The following CPS1 variants were observed in gnomAD, a reference collection of about 807,000 sequenced individuals.
The protein encoded by CPS1 is carbamoyl-phosphate synthase [ammonia], mitochondrial.
Under a neutral mutation model 174.6 loss-of-function variants are expected in CPS1, and 109 were observed. The ratio of observed to expected loss-of-function variants is 0.62; its 90% CI spans 0.53 to 0.73. The LOEUF (loss-of-function observed/expected upper bound fraction) is 0.73, where lower values mean the gene tolerates loss of function less well. Among genes scored for constraint, CPS1 ranks in the 30% least tolerant of loss-of-function variants. The pLI, the probability that CPS1 is intolerant of heterozygous loss-of-function variation, is 0.00. For missense variants in CPS1, 1,689 were observed against 1,821.9 expected (o/e 0.93, Z 1.33); for synonymous variants, 637 against 632.0 (o/e 1.01, Z -0.12).
chr2:210,588,481 C>T (rs1360701114), intron 7 of CPS1, among the ~76,000 whole-genome samples: 1 of 152,014 alleles, frequency 6.6e-6, no homozygotes, highest in Non-Finnish European at 1.5e-5. Context: ...TAGAGTCTGT[C>T]TGATAGCATC....
At chr2:210,542,035 C>G (rs1027116875) in intron 1 of CPS1, among the ~76,000 whole-genome samples, 1 of 152,102 alleles carries the variant, frequency 6.6e-6, no homozygotes, top group East Asian at 1.9e-4. Flanking sequence ...TTTTTGATCT[C>G]ATATACTCAA....
chr2:210,593,034 T>G, intron 11 of CPS1, 78 bp downstream of exon 11: 1 of 1,208,656 alleles, frequency 8.3e-7, no homozygotes, highest in East Asian at 2.3e-5. Context: ...ACCAAAATAA[T>G]CACCCCAGAT....
At chr2:210,623,307 C>T (rs1290548257) in intron 21 of CPS1, among the ~76,000 whole-genome samples, 3 of 152,016 alleles carry the variant, frequency 2.0e-5, no homozygotes, top group Non-Finnish European at 2.9e-5. Flanking sequence ...TTATACCATA[C>T]GAGTATTGGA....
chr2:210,673,073 A>T (rs915995843), intron 34 of CPS1: 1 of 152,212 alleles, frequency 6.6e-6, no homozygotes, highest in African/African-American at 2.4e-5. Context: ...AAATAAGATC[A>T]TTTGATTTTT....
chr2:210,616,676 C>G, intron 21 of CPS1, 135 bp downstream of exon 21: 1 of 705,122 alleles, frequency 1.4e-6, no homozygotes. Flanking sequence ...AAATAGTACC[C>G]GTAGCCAGAA....
At chr2:210,568,935 G>A (rs1460120746) in intron 1 of CPS1, among the ~76,000 whole-genome samples, 2 of 151,990 alleles carry the variant, frequency 1.3e-5, no homozygotes, top group African/African-American at 4.8e-5. Context: ...CAGGAGGATG[G>A]GTGTGGGGTA....
chr2:210,492,686 A>G (rs1029125440), intron 1 of CPS1, among the ~76,000 whole-genome samples: 2 of 152,176 alleles, frequency 1.3e-5, no homozygotes, highest in Non-Finnish European at 2.9e-5. Flanking sequence ...AACTAAAATG[A>G]GAAAAGAAGT....
At chr2:210,586,994 CA>C (rs1383006602) in intron 6 of CPS1, among the ~76,000 whole-genome samples, 2 of 151,748 alleles carry the variant, frequency 1.3e-5, no homozygotes, top group African/African-American at 4.8e-5. Flanking sequence ...TATACTTTTT[CA>C]AATTATTTGA....
intron 31 of CPS1, among the ~76,000 whole-genome samples, chr2:210,659,934 T>G (rs764743644): frequency 5.3e-5 from 8 of 152,280 alleles, no homozygotes; most frequent in Middle Eastern, 3.4e-3. Context: ...ACGGTTGGAA[T>G]TTTGACAAGT....
chr2:210,480,589 A>G (rs1257347501), intron 1 of CPS1, among the ~76,000 whole-genome samples: 3 of 152,188 alleles, frequency 2.0e-5, no homozygotes, highest in Non-Finnish European at 4.4e-5. Context: ...TCTTTGGGGT[A>G]AAAGAGAGAT....
At position 210,541,122 on chromosome 2, in the gene CPS1, C is replaced by G. The variant is rs141427093; in HGVS notation, c.4-15597C>G. Among the ~76,000 whole-genome samples the G allele has an allele frequency of 3.9e-4, 60 of 152,196 alleles. No homozygotes were observed. The East Asian group carries it at 4.8e-3, about 12-fold the overall frequency. On this transcript the variant is annotated intron_variant, in intron 1 of 38. Transcript: ENST00000430249. ...GGCATAGCCCCAAGACTCAGATCAT[C>G]GGGAGTGCACTCAGTCCAGAGGGAC...
chr2:210,573,450 G>T, intron 2 of CPS1, 43 bp downstream of exon 2: 1 of 1,355,234 alleles, frequency 7.4e-7, no homozygotes, highest in Non-Finnish European at 1.1e-6. Context: ...CTCTAGTAGA[G>T]AAATAACTGG....
At chr2:210,503,358 T>C (rs1043072050) in intron 1 of CPS1, among the ~76,000 whole-genome samples, 6 of 152,190 alleles carry the variant, frequency 3.9e-5, no homozygotes, top group Non-Finnish European at 2.9e-5. Flanking sequence ...CTGTTTTGCT[T>C]GACAAGTTGA....
intron 1 of CPS1, among the ~76,000 whole-genome samples, chr2:210,498,940 C>A (rs1695073592): frequency 6.6e-6 from 1 of 152,144 alleles, no homozygotes; most frequent in Non-Finnish European, 1.5e-5. Flanking sequence ...ACCATGGTGT[C>A]TGAACAGGAT....
intron 1 of CPS1, among the ~76,000 whole-genome samples, chr2:210,563,603 C>T (rs975546592): frequency 2.0e-5 from 3 of 152,000 alleles, no homozygotes; most frequent in South Asian, 2.1e-4. Flanking sequence ...AAAACTGGTT[C>T]GAAGTAAAGG....
intron 1 of CPS1, among the ~76,000 whole-genome samples, chr2:210,568,361 A>G (rs1420598501): frequency 6.6e-6 from 1 of 152,068 alleles, no homozygotes; most frequent in East Asian, 1.9e-4. Flanking sequence ...GAATTTGGGG[A>G]ATGGTGTCAC....
intron 31 of CPS1, 30 bp from the exon 32 acceptor site, chr2:210,660,455 T>C (rs1255427600): frequency 8.1e-6 from 13 of 1,609,180 alleles, no homozygotes; most frequent in Admixed American, 1.7e-5. Context: ...CTCAATGTCC[T>C]CTTTCTCATT....
At chr2:210,566,080 A>G (rs1234663165) in intron 1 of CPS1, among the ~76,000 whole-genome samples, 3 of 152,072 alleles carry the variant, frequency 2.0e-5, no homozygotes, top group Non-Finnish European at 4.4e-5. Flanking sequence ...TAACTTAGAC[A>G]CTGGTCATGG....
intron 1 of CPS1, among the ~76,000 whole-genome samples, chr2:210,541,397 T>C (rs1178180994): frequency 6.6e-6 from 1 of 152,184 alleles, no homozygotes. Flanking sequence ...CTGAGGCACA[T>C]CTCTGGCTGC....
Sources: allele counts gnomAD v4.1 joint callset (sites outside exome capture counted in the v4.1 genomes callset), GRCh38; gene constraint gnomAD v4.1.1; transcripts MANE v1.5; gene names NCBI Gene and HGNC (gene_info 2026-07-23, HGNC 2026-07-21).